ESRRB: variants seen among roughly 807,000 people sequenced by gnomAD.
ESRRB encodes the protein estrogen related receptor beta, also known as steroid hormone receptor ERR2.
A neutral mutation model predicts 46.0 loss-of-function variants in ESRRB; 16 were observed. The ratio of observed to expected loss-of-function variants is 0.35; its 90% confidence interval spans 0.24 to 0.53. ESRRB has a LOEUF of 0.53. Among genes scored for constraint, ESRRB ranks in the 20% least tolerant of loss-of-function variants. ESRRB has a pLI of 0.93. For missense variants in ESRRB, 488 were observed against 607.4 expected, an observed-to-expected ratio of 0.80 and a Z score of 2.07; for synonymous variants, 246 against 259.6, an observed-to-expected ratio of 0.95 and a Z score of 0.50.
intron 1 of ESRRB, among the ~76,000 whole-genome samples, chr14:76,420,558 A>AGTGTGTGTGTGAGT (rs549231888): frequency 0.034 from 4,909 of 142,374 alleles, 78 homozygotes; most frequent in Non-Finnish European, 0.047. Context: ...ACAGGGTGTG[A>AGTGTGTGTGTGAGT]GTGTGTGTGT....
chr14:76,466,283 C>T (rs1234449099), intron 3 of ESRRB, among the ~76,000 whole-genome samples: 1 of 152,118 alleles, frequency 6.6e-6, no homozygotes, highest in Non-Finnish European at 1.5e-5. Flanking sequence ...ACCACCCTCC[C>T]GCCCTCATCC....
rs1393144994 is a variant in ESRRB, at chr14:76,439,527, G to A, written c.237G>A (p.Ser79=). 3 of 1,613,424 alleles carry A rather than the reference G, an allele frequency of 1.9e-6. No individual in the cohort carries two copies. Among genetic ancestry groups the A allele is most frequent in the Admixed American group, 1.7e-5 (1 of 60,012 alleles). ...GCACCCACGCCAACGGTCTGGACTC[G>A]CCACCCATGTTTGCAGGCGCCGGGC... ...ALGTHANGLD[S]PPMFAGAGLG... is the part of the protein sequence containing the mutation. Residue 79 remains serine (S), a synonymous_variant, in exon 2 of 7, where the codon TCG becomes TCA. Coordinates refer to ENST00000644823, the MANE Select transcript of ESRRB (RefSeq NM_001379180.1).
intron 1 of ESRRB, among the ~76,000 whole-genome samples, chr14:76,425,428 G>A (rs969711179): frequency 6.6e-6 from 1 of 152,042 alleles, no homozygotes; most frequent in Non-Finnish European, 1.5e-5. Flanking sequence ...CTCAAGCATC[G>A]AATGGGGGTG....
chr14:76,347,380 G>A (rs902150009), intron 1 of ESRRB, among the ~76,000 whole-genome samples: 55 of 152,014 alleles, frequency 3.6e-4, no homozygotes, highest in Non-Finnish European at 2.4e-4. Context: ...CTTAGTTTCC[G>A]CACCAATAAA....
intron 1 of ESRRB, among the ~76,000 whole-genome samples, chr14:76,381,174 C>T (rs558827367): frequency 2.6e-5 from 4 of 152,264 alleles, no homozygotes; most frequent in Admixed American, 1.3e-4. Context: ...CCTTTTAGCC[C>T]CGTCAGCTGG....
intron 1 of ESRRB, among the ~76,000 whole-genome samples, chr14:76,315,707 A>C (rs530676873): frequency 6.6e-6 from 1 of 152,260 alleles, no homozygotes; most frequent in South Asian, 2.1e-4. Flanking sequence ...CCTTCCACTA[A>C]GGGGATATTT....
intron 1 of ESRRB, among the ~76,000 whole-genome samples, chr14:76,318,520 G>C (rs1192621772): frequency 6.6e-6 from 1 of 152,190 alleles, no homozygotes; most frequent in African/African-American, 2.4e-5. Flanking sequence ...AGGCTTCAGC[G>C]CCAAGCTACT....
chr14:76,352,852 G>A (rs576552288), intron 1 of ESRRB, among the ~76,000 whole-genome samples: 96 of 152,206 alleles, frequency 6.3e-4, no homozygotes, highest in African/African-American at 1.7e-3. Flanking sequence ...CTTTCCCTCC[G>A]CCCCCACGCG....
chr14:76,374,965 C>T (rs1884713101), upstream of ESRRB, among the ~76,000 whole-genome samples: 1 of 152,194 alleles, frequency 6.6e-6, no homozygotes, highest in African/African-American at 2.4e-5. Context: ...CCTGGGGTTT[C>T]TCACAACCCT....
chr14:76,424,187 T>C (rs1887098729), intron 1 of ESRRB, among the ~76,000 whole-genome samples: 2 of 152,330 alleles, frequency 1.3e-5, no homozygotes, highest in African/African-American at 2.4e-5. Flanking sequence ...GTCCCGAGCA[T>C]AGAGCAAGCC....
chr14:76,310,858 T>C, exon 1 of ESRRB: 1 of 455,336 alleles, frequency 2.2e-6, no homozygotes. Flanking sequence ...TGAAAGCACC[T>C]GAGGGGCCGC....
chr14:76,468,193 T>C (rs1279580487), intron 3 of ESRRB, among the ~76,000 whole-genome samples: 1 of 152,136 alleles, frequency 6.6e-6, no homozygotes, highest in Non-Finnish European at 1.5e-5. Flanking sequence ...GAAATATCAC[T>C]TTTTTTCTGG....
intron 1 of ESRRB, among the ~76,000 whole-genome samples, chr14:76,401,794 G>A (rs750814991): frequency 2.6e-4 from 39 of 152,068 alleles, no homozygotes; most frequent in African/African-American, 3.4e-4. Context: ...TCCTAACAAT[G>A]CATTTCATTA....
intron 1 of ESRRB, among the ~76,000 whole-genome samples, chr14:76,413,761 A>T (rs974157233): frequency 6.6e-6 from 1 of 152,038 alleles, no homozygotes; most frequent in African/African-American, 2.4e-5. Flanking sequence ...GCGAATAGTA[A>T]CAACTTCTCA....
At chr14:76,417,945 T>C (rs78106238) in intron 1 of ESRRB, among the ~76,000 whole-genome samples, 4 of 56,324 alleles carry the variant, frequency 7.1e-5, no homozygotes, top group African/African-American at 3.0e-4. Context: ...TTTTACATAC[T>C]TTTTTTTTTT....
At chr14:76,418,171 T>C (rs1290922951) in intron 1 of ESRRB, among the ~76,000 whole-genome samples, 3 of 152,052 alleles carry the variant, frequency 2.0e-5, no homozygotes, top group African/African-American at 7.2e-5. Flanking sequence ...GTCAGGCTGG[T>C]CTTGAACCCC....
Position 76,393,967 on chromosome 14 carries a change from A to ATTTT in ESRRB, c.50+17533_50+17536dup, listed in dbSNP as rs71122531. Among the ~76,000 whole-genome samples, 492 of 126,938 alleles carry ATTTT rather than the reference A, an allele frequency of 3.9e-3. 10 individuals are homozygous for ATTTT. The highest frequency in any genetic ancestry group is 0.013 in the African/African-American group (424 of 33,066). 83.3% of individuals were successfully genotyped at this position (126,938 alleles called of 152,430 possible). ...AGGCATGCACCAACATGCCTGGCTA[A>ATTTT]TTTTTTTTTTTTTTTTTTTTGTATT... On this transcript the variant is annotated intron_variant, in intron 1 of 6. Transcript: ENST00000644823.
intron 2 of ESRRB, among the ~76,000 whole-genome samples, chr14:76,451,386 T>C (rs1054873550): frequency 1.3e-5 from 2 of 152,220 alleles, no homozygotes; most frequent in African/African-American, 2.4e-5. Context: ...TACAGTGTTA[T>C]TGCAAAAATG....
At chr14:76,411,509 G>A (rs544430094) in intron 1 of ESRRB, among the ~76,000 whole-genome samples, 8 of 152,212 alleles carry the variant, frequency 5.3e-5, no homozygotes, top group African/African-American at 1.7e-4. Flanking sequence ...CTTCAGTTCA[G>A]TACCCCTTTA....
Sources: gnomAD v4.1 joint callset for allele counts (sites outside exome capture counted in the v4.1 genomes callset) on GRCh38, gnomAD v4.1.1 for gene constraint, MANE v1.5 for transcripts, NCBI Gene and HGNC (gene_info 2026-07-23, HGNC 2026-07-21) for gene names.